The following DNMT3A variants were observed in gnomAD, a reference collection of about 807,000 sequenced individuals.
DNMT3A encodes DNA (cytosine-5)-methyltransferase 3A.
In DNMT3A, 267 loss-of-function variants were observed where a neutral mutation model predicts 117.6. The ratio of observed to expected loss-of-function variants is 2.27; its 90% CI spans 2.05 to 2.51. The LOEUF is 2.51. DNMT3A is among the 30% of genes most tolerant of loss of function. DNMT3A has a pLI of 0.00. For synonymous variants in DNMT3A, 432 were observed against 474.8 expected, an observed-to-expected ratio of 0.91 and a Z score of 1.17; for missense variants, 1,029 against 1,260.2, an observed-to-expected ratio of 0.82 and a Z score of 2.78.
At position 25,234,559 on chromosome 2, in the gene DNMT3A, T is replaced by C; in HGVS notation, c.2598-139A>G. ...GACAGGGGCACTCACACCCACCAACTCCTCTGACGCCTGCTTAGTTCTGCC... is the reference window on the plus strand; with the variant it reads ...GACAGGGGCACTCACACCCACCAACCCCTCTGACGCCTGCTTAGTTCTGCC... On this transcript the variant is annotated intron_variant, in intron 22 of 22. Coordinates refer to ENST00000321117, the MANE Select transcript of DNMT3A (RefSeq NM_022552.5). This position sits in a 1 kb window ranked among gnomAD's most constrained non-coding sequence, Gnocchi z 4.5. 1.1e-6 allele frequency: 1 copy of C among 950,496 alleles called. No homozygotes were observed. Among genetic ancestry groups the C allele is most frequent in the Non-Finnish European group, 1.5e-6 (1 of 660,646 alleles). 58.9% of individuals were successfully genotyped at this position (950,496 alleles called of 1,614,324 possible). A position where few individuals can be genotyped will look rare whatever the true frequency, so the allele number is the denominator to read the frequency against.
chr2:25,248,095 C>T lies in DNMT3A; in HGVS notation c.797G>A (p.Gly266Glu). ...PTVATTPEPV[G>E]SDAGDKNATK... ...GGCATTCTTGTCCCCAGCATCGGAC[C>T]CCACGGGCTCAGGCGTGGTAGCCAC... Residue 266 changes from glycine (G) to glutamate (E), a missense_variant, in exon 7 of 23, where the codon GGG becomes GAG. Physicochemically the swap from Gly to Glu is moderately conservative, Grantham distance 98 (BLOSUM62 -2). Transcript: ENST00000321117. 1 of 1,613,242 alleles carries T rather than the reference C, an allele frequency of 6.2e-7. No homozygotes were observed.
At chr2:25,243,838 C>CACCTG in intron 16 of DNMT3A, 60 bp downstream of exon 16, 10 of 1,533,680 alleles carry the variant, frequency 6.5e-6, no homozygotes, top group Non-Finnish European at 8.8e-6. Context: ...GTTGCCCACA[C>CACCTG]ACCTGGCTCC....
Position 25,241,557 on chromosome 2 carries a change from C to A in DNMT3A, c.2082+5G>T. ...GACGGGCTGCGCCCCACAGCATGGA[C>A]ATACATGCTTCTGTGTGACGCTGCG... On this transcript the variant is annotated splice_donor_5th_base_variant and intron_variant, in intron 17 of 22. Transcript: ENST00000321117. 6.2e-7 allele frequency: 1 copy of A among 1,612,402 alleles called. No homozygotes were observed. The highest frequency in any genetic ancestry group is 8.5e-7 in the Non-Finnish European group (1 of 1,179,358).
rs927439846 is a variant in DNMT3A, at chr2:25,294,134, G to T, written c.177+6005C>A. Among the ~76,000 whole-genome samples the T allele has an allele frequency of 4.6e-5, 7 of 152,038 alleles. No homozygotes were observed. The highest frequency in any genetic ancestry group is 1.7e-4 in the African/African-American group (7 of 41,388). ...CGGGGGTGCCTCTCACTTTCCCCTTGACTTCTCCAAATGTCACCTCCCTTC... is the reference window on the plus strand; with the variant it reads ...CGGGGGTGCCTCTCACTTTCCCCTTTACTTCTCCAAATGTCACCTCCCTTC... On this transcript the variant is annotated intron_variant, in intron 3 of 22. Transcript: ENST00000321117. This position sits in a 1 kb window ranked among gnomAD's most constrained non-coding sequence, Gnocchi z 4.7.
intron 1 of DNMT3A, among the ~76,000 whole-genome samples, chr2:25,318,061 C>T (rs540334730): frequency 1.3e-5 from 2 of 152,226 alleles, no homozygotes; most frequent in South Asian, 4.1e-4. Flanking sequence ...TGCTGATGTC[C>T]AGTCTCTCAG....
intron 3 of DNMT3A, among the ~76,000 whole-genome samples, chr2:25,292,568 C>G (rs890703794): frequency 6.6e-6 from 1 of 152,124 alleles, no homozygotes; most frequent in African/African-American, 2.4e-5. Context: ...CTCTGCCCCC[C>G]AGCTGTGCTG....
At chr2:25,292,873 G>A (rs567134110) in intron 3 of DNMT3A, among the ~76,000 whole-genome samples, 1 of 152,290 alleles carries the variant, frequency 6.6e-6, no homozygotes, top group Admixed American at 6.5e-5. Flanking sequence ...GAGGAACAAT[G>A]CAGGTGGAGC....
rs902776637 is a variant in DNMT3A, at chr2:25,237,135, G to A, written c.2409-130C>T. The stretch of plus-strand genomic sequence containing the variant: ...GGTAAGAGCCCCTTCCCCAAATCAC[G>A]CACACACGTCATAACTCTCTTCAAA... On this transcript the variant is annotated intron_variant, in intron 20 of 22. Coordinates refer to ENST00000321117, the MANE Select transcript of DNMT3A (RefSeq NM_022552.5). The surrounding 1 kb of genome is among the most constrained non-coding windows in gnomAD (Gnocchi z 5.4). The A allele has an allele frequency of 1.0e-5, 8 of 801,290 alleles. No homozygotes were observed. The highest frequency in any genetic ancestry group is 2.7e-5 in the East Asian group (1 of 37,118). The allele number at this position is 801,290 out of a possible 1,614,324, so 49.6% of individuals were successfully genotyped here.
rs560840720 is a variant in DNMT3A at position 25,285,486 on chromosome 2, G to A, written c.178-2775C>T. ...CTGCCAAGCTCCTTTCCTGCTGTGC[G>A]GGGCAGCTGGGCAGGCCTGCTTCCA... On this transcript the variant is annotated intron_variant, in intron 3 of 22. Transcript: ENST00000321117. 3.3e-4 allele frequency among the ~76,000 whole-genome samples: 51 copies of A among 152,352 alleles called. 2 individuals are homozygous for A. The South Asian group carries it at 6.6e-3, about 20-fold the overall frequency.
At chr2:25,249,541 A>G in intron 6 of DNMT3A, 3 of 1,167,332 alleles carry the variant, frequency 2.6e-6, no homozygotes, top group Non-Finnish European at 3.8e-6. Flanking sequence ...ACATGTATTC[A>G]TTCAGTTATT....
At chr2:25,328,320 C>T (rs199999082) in intron 1 of DNMT3A, among the ~76,000 whole-genome samples, 2 of 152,104 alleles carry the variant, frequency 1.3e-5, no homozygotes, top group South Asian at 2.1e-4. Flanking sequence ...CTGCTCTGGC[C>T]GTGCCCCCAC....
rs762503226 is a variant in DNMT3A, at chr2:25,241,650, A to C, written c.1994T>G (p.Val665Gly). 1.2e-6 allele frequency: 2 copies of C among 1,613,852 alleles called. No individual in the cohort carries two copies. The highest frequency in any genetic ancestry group is 1.7e-6 in the Non-Finnish European group (2 of 1,179,934). The change falls in exon 17 of 23, where the codon GTG becomes GGG. Residue 665 changes from valine (V) to glycine (G), a missense_variant. Physicochemically the swap from Val to Gly is moderately radical, Grantham distance 109. Transcript: ENST00000321117. ...GCCCACCGTGATGGAGTCCTCACAC[A>C]CCTCCGAGGCAATGTAGCGGTCCAC... is the stretch of plus-strand genomic sequence containing the variant. ...IQVDRYIASE[V>G]CEDSITVGMV... is the part of the protein sequence containing the mutation.
intron 1 of DNMT3A, among the ~76,000 whole-genome samples, chr2:25,331,491 C>G (rs1427755142): frequency 6.6e-6 from 1 of 152,232 alleles, no homozygotes; most frequent in African/African-American, 2.4e-5. Context: ...AAAGGCTGGA[C>G]AGCTTGACAT....
intron 1 of DNMT3A, among the ~76,000 whole-genome samples, chr2:25,329,998 A>G (rs1427889734): frequency 1.3e-5 from 2 of 152,224 alleles, no homozygotes; most frequent in Non-Finnish European, 2.9e-5. Flanking sequence ...TGCCCTATAA[A>G]CAAACATTTG....
rs912168346 is a variant in DNMT3A, at chr2:25,339,936, G to A, written c.-178+1890C>T. ...TCCCAGGATCCCTTCGTAGCCGCCC[G>A]CCCAGGAGGCGGGTTCAGCCGCTGG... is the stretch of plus-strand genomic sequence containing the variant. On this transcript the variant is annotated intron_variant, in intron 1 of 22. Transcript: ENST00000321117. The surrounding 1 kb of genome is among the most constrained non-coding windows in gnomAD (Gnocchi z 4.9). Among the ~76,000 whole-genome samples, 2 of 2,464 alleles carry A rather than the reference G, an allele frequency of 8.1e-4. No homozygotes were observed. Among genetic ancestry groups the A allele is most frequent in the Admixed American group, 4.8e-3 (1 of 208 alleles). The allele number at this position is 2,464 out of a possible 152,430, so 1.6% of individuals were successfully genotyped here.
At position 25,258,622 on chromosome 2, in the gene DNMT3A, T is replaced by C. The variant is rs1225409822; in HGVS notation, c.640-10370A>G. ...ACCACAGCCCTCATTCAAGACAGCA[T>C]GCAATTAGATGGTAAATTATGTGGT... On this transcript the variant is annotated intron_variant, in intron 6 of 22. Transcript: ENST00000321117. Among the ~76,000 whole-genome samples, 4 of 152,158 alleles carry C rather than the reference T, an allele frequency of 2.6e-5. No homozygotes were observed. In the East Asian group the frequency reaches 7.7e-4, roughly 29 times the overall value.
Position 25,254,039 on chromosome 2 carries a change from T to G in DNMT3A, c.640-5787A>C, listed in dbSNP as rs1675900036. The stretch of plus-strand genomic sequence containing the variant: ...GTGAGCCGAGATCATGCCACTGCAC[T>G]CCAGCCTGGGCAACAGAGCGAGACT... On this transcript the variant is annotated intron_variant, in intron 6 of 22. Coordinates refer to ENST00000321117, the MANE Select transcript of DNMT3A (RefSeq NM_022552.5). The surrounding 1 kb of genome is among the most constrained non-coding windows in gnomAD (Gnocchi z 4.7). Among the ~76,000 whole-genome samples, 1 of 143,330 alleles carries G rather than the reference T, an allele frequency of 7.0e-6. No individual in the cohort carries two copies. The highest frequency in any genetic ancestry group is 2.2e-4 in the South Asian group (1 of 4,614). 94.0% of individuals were successfully genotyped at this position (143,330 alleles called of 152,430 possible).
At position 25,252,214 on chromosome 2, in the gene DNMT3A, C is replaced by T. The variant is rs771354071; in HGVS notation, c.640-3962G>A. On this transcript the variant is annotated intron_variant, in intron 6 of 22. Transcript: ENST00000321117. The surrounding 1 kb of genome is among the most constrained non-coding windows in gnomAD (Gnocchi z 5.5). ...CCTACCCATAAGGCCAGGTGCAGCC[C>T]CTCTGCAGTCGCGCTCAGGTGTGAG... The T allele has an allele frequency of 3.1e-5, 48 of 1,559,608 alleles. No homozygotes were observed. The highest frequency in any genetic ancestry group is 4.1e-5 in the Non-Finnish European group (47 of 1,154,250).
At chr2:25,332,809 G>A (rs2035064528) in intron 1 of DNMT3A, among the ~76,000 whole-genome samples, 1 of 152,252 alleles carries the variant, frequency 6.6e-6, no homozygotes, top group South Asian at 2.1e-4. Context: ...GTGCGTGGAT[G>A]GCAACAAGCA....
Sources: gnomAD v4.1 joint callset for allele counts (sites outside exome capture counted in the v4.1 genomes callset) on GRCh38, gnomAD v4.1.1 for gene constraint, Gnocchi (gnomAD v3.1) non-coding constraint, MANE v1.5 for transcripts, NCBI Gene and HGNC (gene_info 2026-07-23, HGNC 2026-07-21) for gene names.